The following CRHR2 variants were observed in gnomAD, a reference collection of about 807,000 sequenced individuals.
CRHR2 encodes the protein corticotropin releasing hormone receptor 2.
CRHR2 carries 53 observed loss-of-function variants against 57.9 expected under a neutral mutation model. The observed-to-expected ratio is 0.92, with a 90% CI of 0.73 to 1.15. CRHR2 has a LOEUF of 1.15. Ranked by LOEUF, CRHR2 falls within the 50% of genes most tolerant of loss-of-function variation. CRHR2 has a pLI of 0.00. For missense variants in CRHR2, 532 were observed against 542.6 expected (o/e 0.98, Z 0.19); for synonymous variants, 213 against 220.9 (o/e 0.96, Z 0.32).
In CRHR2 at chr7:30,695,686, C is replaced by A. The variant is rs150782714; in HGVS notation, c.-261+4258G>T. On this transcript the variant is annotated intron_variant, in intron 1 of 13. Transcript: ENST00000341843. ...TAATGTCCAGTTTGCATAAAAGTCACATCTCTTCTGATTTGTTTTGGAGTC... is the reference window on the plus strand; with the variant it reads ...TAATGTCCAGTTTGCATAAAAGTCAAATCTCTTCTGATTTGTTTTGGAGTC... Among the ~76,000 whole-genome samples, 1,152 of 152,336 alleles carry A rather than the reference C, an allele frequency of 7.6e-3. 8 individuals are homozygous for A. The highest frequency in any genetic ancestry group is 0.02 in the Middle Eastern group (6 of 294).
chr7:30,668,666 G>A (rs191384433), intron 2 of CRHR2, among the ~76,000 whole-genome samples: 5 of 152,308 alleles, frequency 3.3e-5, no homozygotes, highest in Admixed American at 6.5e-5. Context: ...AGCACTTGCC[G>A]AAGAGCAAAA....
At chr7:30,694,764 G>A (rs1157698322) in intron 1 of CRHR2, among the ~76,000 whole-genome samples, 1 of 151,554 alleles carries the variant, frequency 6.6e-6, no homozygotes, top group Non-Finnish European at 1.5e-5. Flanking sequence ...GTTAGAGGAA[G>A]GAGCAAGAGG....
chr7:30,667,150 C>G, intron 3 of CRHR2, 78 bp downstream of exon 3: 3 of 1,327,870 alleles, frequency 2.3e-6, no homozygotes, highest in Non-Finnish European at 3.2e-6. Context: ...GGTCTGCCCC[C>G]CTTGGGATCT....
Position 30,655,579 on chromosome 7 carries a change from C to A in CRHR2, c.1053+1G>T, listed in dbSNP as rs1783750373. The A allele has an allele frequency of 1.9e-6, 3 of 1,611,098 alleles. No homozygotes were observed. Among genetic ancestry groups the A allele is most frequent in the South Asian group, 2.2e-5 (2 of 90,500 alleles). ...GGCCCCCATCTGGTCACAGGCCCCA[C>A]CTGGAACGACTGCAGGAAGGAGTTG... On this transcript the variant is annotated splice_donor_variant, in intron 10 of 11. Transcript: ENST00000471646. LOFTEE classifies it high-confidence loss of function.
chr7:30,673,114 G>C (rs1040202674), intron 2 of CRHR2, among the ~76,000 whole-genome samples: 2 of 152,184 alleles, frequency 1.3e-5, no homozygotes. Context: ...TCCCTTTACT[G>C]CCTGTAGTTG....
chr7:30,689,463 G>A (rs917402764), intron 1 of CRHR2, among the ~76,000 whole-genome samples: 4 of 152,222 alleles, frequency 2.6e-5, no homozygotes, highest in Non-Finnish European at 1.5e-5. Flanking sequence ...GGGCTGGACC[G>A]AAGAAAGGCC....
rs114336461 is a variant in CRHR2 at position 30,673,253 on chromosome 7, A to C, written c.230-5940T>G. Among the ~76,000 whole-genome samples the C allele has an allele frequency of 2.9e-3, 432 of 150,864 alleles. 3 individuals are homozygous for C. The highest frequency in any genetic ancestry group is 1.0e-2 in the African/African-American group (407 of 40,888). On this transcript the variant is annotated intron_variant, in intron 2 of 11. Transcript: ENST00000471646. ...GAGATGGGGTCTCACTCTGTCACCC[A>C]GGTTGGGGGGCAGTGGTGTGATCTT...
At chr7:30,699,901 C>A in intron 1 of CRHR2, 1 of 1,466,202 alleles carries the variant, frequency 6.8e-7, no homozygotes, top group Non-Finnish European at 9.1e-7. Flanking sequence ...GAGCTCCGTG[C>A]TCCTGGCGCC....
intron 1 of CRHR2, among the ~76,000 whole-genome samples, chr7:30,697,497 T>C (rs996104060): frequency 4.6e-5 from 7 of 152,278 alleles, no homozygotes; most frequent in Admixed American, 3.9e-4. Flanking sequence ...GATTACCACC[T>C]GCCTCCGGAC....
At chr7:30,666,933 T>C (rs1451961282) in intron 3 of CRHR2, among the ~76,000 whole-genome samples, 1 of 152,170 alleles carries the variant, frequency 6.6e-6, no homozygotes, top group Admixed American at 6.5e-5. Flanking sequence ...ACACAACCCC[T>C]AAGATGTTAG....
chr7:30,682,559 C>T (rs1784761213), upstream of CRHR2: 1 of 1,192,928 alleles, frequency 8.4e-7, no homozygotes, highest in African/African-American at 1.6e-5. Flanking sequence ...GGCGGCTCCT[C>T]TCGGAGGGGC....
intron 2 of CRHR2, among the ~76,000 whole-genome samples, chr7:30,668,697 A>G (rs1323794214): frequency 1.3e-5 from 2 of 152,202 alleles, no homozygotes; most frequent in Non-Finnish European, 2.9e-5. Flanking sequence ...AGATTCTATT[A>G]GCTTAATTGT....
intron 2 of CRHR2, among the ~76,000 whole-genome samples, chr7:30,680,306 ACTGTACTCAGCTTGG>A: frequency 6.6e-6 from 1 of 152,340 alleles, no homozygotes; most frequent in South Asian, 2.1e-4. Context: ...ACTGAGTATT[ACTGTACTCAGCTTGG>A]CTATGAAGAA....
chr7:30,699,993 G>A, exon 1 of CRHR2: 2 of 1,462,260 alleles, frequency 1.4e-6, no homozygotes, highest in Admixed American at 2.6e-5. Flanking sequence ...GAGGAGGTGT[G>A]GGACGTAGAG....
chr7:30,694,890 G>A (rs1201048879), intron 1 of CRHR2, among the ~76,000 whole-genome samples: 1 of 126,814 alleles, frequency 7.9e-6, no homozygotes, highest in Admixed American at 8.3e-5. Context: ...GGGAGGAGAG[G>A]GGATGATGAG....
intron 5 of CRHR2, among the ~76,000 whole-genome samples, chr7:30,663,667 G>T (rs1020208306): frequency 6.6e-6 from 1 of 152,224 alleles, no homozygotes; most frequent in Non-Finnish European, 1.5e-5. Context: ...GGAAGACCCT[G>T]CCCCTTTAGA....
upstream of CRHR2, among the ~76,000 whole-genome samples, chr7:30,683,342 C>G (rs995105637): frequency 6.6e-6 from 1 of 152,164 alleles, no homozygotes; most frequent in African/African-American, 2.4e-5. Context: ...ACACCAGTAG[C>G]GGGGCAGGGG....
intron 11 of CRHR2, chr7:30,654,802 C>G: frequency 6.5e-7 from 1 of 1,538,326 alleles, no homozygotes; most frequent in Non-Finnish European, 8.7e-7. Flanking sequence ...TCCTTGCTCA[C>G]CCAGCTCTGA....
At chr7:30,689,889 G>T (rs746047388) in intron 1 of CRHR2, among the ~76,000 whole-genome samples, 1 of 152,202 alleles carries the variant, frequency 6.6e-6, no homozygotes, top group Non-Finnish European at 1.5e-5. Flanking sequence ...GACAGGGAAG[G>T]CTTATTGGGA....
Sources: gnomAD v4.1 joint callset for allele counts (sites outside exome capture counted in the v4.1 genomes callset) on GRCh38, gnomAD v4.1.1 for gene constraint, MANE v1.5 for transcripts, NCBI Gene and HGNC (gene_info 2026-07-23, HGNC 2026-07-21) for gene names.